The following MSH3 variants were observed in gnomAD, a reference collection of about 807,000 sequenced individuals.
MSH3 encodes the protein DNA mismatch repair protein Msh3.
In MSH3, 106 loss-of-function variants were observed where a neutral mutation model predicts 123.3. The ratio of observed to expected loss-of-function variants is 0.86; its 90% CI spans 0.73 to 1.01. MSH3 has a LOEUF of 1.01. Among genes scored for constraint, MSH3 ranks in the 50% least tolerant of loss-of-function variants. The pLI, the probability that MSH3 is intolerant of heterozygous loss-of-function variation, is 0.00. For missense variants in MSH3, 1,459 were observed against 1,347.6 expected, an observed-to-expected ratio of 1.08 and a Z score of -1.29; for synonymous variants, 515 against 481.4, an observed-to-expected ratio of 1.07 and a Z score of -0.91.
intron 20 of MSH3, among the ~76,000 whole-genome samples, chr5:80,826,064 T>G (rs974012444): frequency 6.6e-6 from 1 of 152,236 alleles, no homozygotes; most frequent in Non-Finnish European, 1.5e-5. Flanking sequence ...CCCCTTCGCT[T>G]CTTTTATGGG....
rs1749739799 is a variant in MSH3 at position 80,672,263 on chromosome 5, A to G, written c.812A>G (p.Asn271Ser). 1 of 1,613,474 alleles carries G rather than the reference A, an allele frequency of 6.2e-7. No homozygotes were observed. The highest frequency in any genetic ancestry group is 8.5e-7 in the Non-Finnish European group (1 of 1,179,452). The change falls in exon 5 of 24, where the codon AAT becomes AGT. Residue 271 changes from asparagine to serine, a missense_variant. Physicochemically the swap from Asn to Ser is conservative, Grantham distance 46 (BLOSUM62 1). Coordinates refer to ENST00000265081, the MANE Select transcript of MSH3 (RefSeq NM_002439.5). Reference sequence around the variant, plus strand: ...TTTTAGATTGCAGCCCGAGAGCTCAATATTTATTGCCATTTAGATCACAAC... The same window carrying G: ...TTTTAGATTGCAGCCCGAGAGCTCAGTATTTATTGCCATTTAGATCACAAC... ...EDAEIAAREL[N>S]IYCHLDHNFM...
At chr5:80,799,237 G>A (rs1043350015) in intron 19 of MSH3, among the ~76,000 whole-genome samples, 9 of 151,916 alleles carry the variant, frequency 5.9e-5, no homozygotes, top group African/African-American at 9.7e-5. Flanking sequence ...AGCTGGTGCC[G>A]CTCTCCAGCT....
chr5:80,824,830 G>A (rs35221924), intron 20 of MSH3, among the ~76,000 whole-genome samples: 3,331 of 152,092 alleles, frequency 0.022, 61 homozygotes, highest in African/African-American at 0.052. Flanking sequence ...CAGATTAGTC[G>A]TGCTCTTTTT....
chr5:80,782,658 T>C (rs978611948), intron 17 of MSH3, among the ~76,000 whole-genome samples: 1 of 152,160 alleles, frequency 6.6e-6, no homozygotes, highest in African/African-American at 2.4e-5. Flanking sequence ...TGTATTAAAG[T>C]TTTTATCCAG....
rs571091707 is a variant in MSH3, at chr5:80,755,289, C to G, written c.1764-6257C>G. Among the ~76,000 whole-genome samples the G allele has an allele frequency of 3.7e-4, 57 of 152,262 alleles. No homozygotes were observed. The South Asian group carries it at 8.9e-3, about 24-fold the overall frequency. On this transcript the variant is annotated intron_variant, in intron 12 of 23. Transcript: ENST00000265081. ...ACATCCAGGAACTTTTAGCTGGCCT[C>G]TGCTTTGTTCTTCAACATTCGGACC...
chr5:80,792,900 C>G (rs1275590965), intron 19 of MSH3, 56 bp downstream of exon 19: 1 of 1,103,310 alleles, frequency 9.1e-7, no homozygotes, highest in East Asian at 2.4e-5. Context: ...CTTTTACATA[C>G]CAAAGAAACA....
intron 10 of MSH3, among the ~76,000 whole-genome samples, chr5:80,731,440 C>T (rs1472055641): frequency 1.3e-5 from 2 of 152,026 alleles, no homozygotes; most frequent in South Asian, 2.1e-4. Flanking sequence ...GAGCCAAAGC[C>T]AAAAGACATA....
chr5:80,748,819 C>A (rs528215975), intron 12 of MSH3, among the ~76,000 whole-genome samples: 1 of 151,170 alleles, frequency 6.6e-6, no homozygotes, highest in African/African-American at 2.4e-5. Flanking sequence ...AAAAGAAAAC[C>A]GTGAGATGAG....
chr5:80,826,548 A>ATTTTT, intron 20 of MSH3, among the ~76,000 whole-genome samples: 1 of 140,522 alleles, frequency 7.1e-6, no homozygotes, highest in Admixed American at 7.1e-5. Context: ...GAGGTTAGGA[A>ATTTTT]TTTTTTTTTT....
intron 8 of MSH3, among the ~76,000 whole-genome samples, chr5:80,681,591 T>G (rs1053810709): frequency 4.6e-5 from 7 of 151,752 alleles, no homozygotes; most frequent in African/African-American, 1.7e-4. Flanking sequence ...TATGATTTCC[T>G]GTCTTTGATT....
chr5:80,654,900 CAG>C lies in MSH3; in HGVS notation c.174_175del (p.Ala59GlyfsTer25), dbSNP rs1749208477. Reference sequence around the variant, plus strand: ...GGCGCTGCAGCGGCTGCAGCGGCCGCAGCGGCCGCAGCGCCCCCAGCGCCCCC... The same window carrying C: ...GGCGCTGCAGCGGCTGCAGCGGCCGCCGGCCGCAGCGCCCCCAGCGCCCCC... On this transcript the variant is annotated frameshift_variant, in exon 1 of 24. Transcript: ENST00000265081. LOFTEE classifies it high-confidence loss of function. The C allele has an allele frequency of 6.5e-7, 1 of 1,528,990 alleles. No homozygotes were observed. Among genetic ancestry groups the C allele is most frequent in the African/African-American group, 1.6e-5 (1 of 61,946 alleles). The allele number at this position is 1,528,990 out of a possible 1,614,324, so 94.7% of individuals were successfully genotyped here. A position where few individuals can be genotyped will look rare whatever the true frequency, so the allele number is the denominator to read the frequency against.
chr5:80,733,878 T>C (rs775341027), intron 10 of MSH3, among the ~76,000 whole-genome samples: 2 of 152,150 alleles, frequency 1.3e-5, no homozygotes, highest in Non-Finnish European at 2.9e-5. Flanking sequence ...GACTATAAAA[T>C]GGTACAGCCA....
intron 12 of MSH3, among the ~76,000 whole-genome samples, chr5:80,749,759 A>G (rs1340148007): frequency 6.6e-6 from 1 of 152,044 alleles, no homozygotes; most frequent in East Asian, 1.9e-4. Flanking sequence ...ATTTTGACAC[A>G]CATACAATGC....
At chr5:80,822,360 C>T (rs1350561827) in intron 20 of MSH3, among the ~76,000 whole-genome samples, 2 of 152,208 alleles carry the variant, frequency 1.3e-5, no homozygotes, top group African/African-American at 2.4e-5. Context: ...TGCTAACCCT[C>T]ATATATTATT....
At chr5:80,780,829 C>T (rs1199066454) in intron 17 of MSH3, among the ~76,000 whole-genome samples, 1 of 152,202 alleles carries the variant, frequency 6.6e-6, no homozygotes, top group South Asian at 2.1e-4. Flanking sequence ...GATTGCGCCT[C>T]TGCACTCCAG....
chr5:80,713,252 A>G (rs972891977), intron 8 of MSH3, among the ~76,000 whole-genome samples: 13 of 152,164 alleles, frequency 8.5e-5, no homozygotes, highest in Admixed American at 8.5e-4. Context: ...ACATTAAAAG[A>G]TATTATTGGT....
chr5:80,701,530 A>G (rs1750610358), intron 8 of MSH3, among the ~76,000 whole-genome samples: 1 of 152,202 alleles, frequency 6.6e-6, no homozygotes, highest in African/African-American at 2.4e-5. Context: ...CTCCAAATAC[A>G]GTTACTGTCT....
At chr5:80,710,268 C>T (rs1750832861) in intron 8 of MSH3, among the ~76,000 whole-genome samples, 1 of 152,112 alleles carries the variant, frequency 6.6e-6, no homozygotes, top group Non-Finnish European at 1.5e-5. Flanking sequence ...AGTGGCAAAA[C>T]TGGAAGTTGA....
At chr5:80,840,203 CAT>C (rs1482222369) in intron 20 of MSH3, among the ~76,000 whole-genome samples, 2 of 152,114 alleles carry the variant, frequency 1.3e-5, no homozygotes, top group African/African-American at 4.8e-5. Context: ...ATTGTGATCA[CAT>C]GTTACATGTG....
Sources: allele counts gnomAD v4.1 joint callset (sites outside exome capture counted in the v4.1 genomes callset), GRCh38; gene constraint gnomAD v4.1.1; transcripts MANE v1.5; gene names NCBI Gene and HGNC (gene_info 2026-07-23, HGNC 2026-07-21).